RBFOX1: variants seen among roughly 807,000 people sequenced by gnomAD.
RBFOX1 encodes the protein RNA binding protein fox-1 homolog 1.
A neutral mutation model predicts 57.7 loss-of-function variants in RBFOX1; 8 were observed. The observed-to-expected ratio is 0.14, with a 90% confidence interval of 0.08 to 0.25. The LOEUF (loss-of-function observed/expected upper bound fraction) is 0.25, where lower values mean the gene tolerates loss of function less well. Ranked by LOEUF, RBFOX1 falls within the 10% of genes least tolerant of loss-of-function variation. The pLI is 1.00. For missense variants in RBFOX1, 611 were observed against 548.5 expected (o/e 1.11, Z -1.14); for synonymous variants, 326 against 222.4 (o/e 1.47, Z -4.15).
intron 2 of RBFOX1, among the ~76,000 whole-genome samples, chr16:6,532,749 A>T (rs1474458961): frequency 6.6e-6 from 1 of 151,992 alleles, no homozygotes; most frequent in Non-Finnish European, 1.5e-5. Flanking sequence ...CTTAGGGTTT[A>T]TGTCTTTTTA....
At chr16:6,588,392 C>A (rs189864922) in intron 2 of RBFOX1, among the ~76,000 whole-genome samples, 1 of 152,046 alleles carries the variant, frequency 6.6e-6, no homozygotes, top group Non-Finnish European at 1.5e-5. Flanking sequence ...ATGGCTCACG[C>A]CTGTAATCCC....
At chr16:7,261,287 G>C (rs1350076547) in intron 4 of RBFOX1, among the ~76,000 whole-genome samples, 1 of 152,172 alleles carries the variant, frequency 6.6e-6, no homozygotes, top group African/African-American at 2.4e-5. Context: ...GTATAAAGTG[G>C]AATTGATGAA....
chr16:5,811,437 C>G (rs1397176914), intron 3 of RBFOX1, among the ~76,000 whole-genome samples: 1 of 146,010 alleles, frequency 6.8e-6, no homozygotes, highest in African/African-American at 2.5e-5. Flanking sequence ...GCCAATGCAC[C>G]CAGCTGGAAC....
At chr16:6,666,200 A>G (rs1473148195) in intron 3 of RBFOX1, among the ~76,000 whole-genome samples, 1 of 152,162 alleles carries the variant, frequency 6.6e-6, no homozygotes, top group Non-Finnish European at 1.5e-5. Flanking sequence ...GTACATCTGT[A>G]TCAGCAGCGT....
intron 4 of RBFOX1, among the ~76,000 whole-genome samples, chr16:7,060,357 T>C (rs1426781949): frequency 6.6e-6 from 1 of 152,170 alleles, no homozygotes; most frequent in Non-Finnish European, 1.5e-5. Context: ...TGAGGGATTT[T>C]TATCAACAGA....
intron 2 of RBFOX1, among the ~76,000 whole-genome samples, chr16:6,379,651 T>G (rs2091583096): frequency 6.7e-6 from 1 of 148,478 alleles, no homozygotes; most frequent in Admixed American, 6.8e-5. Context: ...GTCATGCAAG[T>G]GTCAAGAGCT....
At chr16:6,976,785 T>TTA (rs3074657) in intron 3 of RBFOX1, among the ~76,000 whole-genome samples, 64,574 of 140,230 alleles carry the variant, frequency 0.46, 16,482 homozygotes, top group Non-Finnish European at 0.58. Flanking sequence ...TATCAATATA[T>TTA]TATATATATG....
chr16:7,489,064 G>C (rs2066216816), intron 4 of RBFOX1, among the ~76,000 whole-genome samples: 2 of 152,024 alleles, frequency 1.3e-5, no homozygotes, highest in Non-Finnish European at 2.9e-5. Flanking sequence ...GTGAATCTCA[G>C]CGTGTCTGTC....
chr16:6,958,609 C>T (rs1467141220), intron 3 of RBFOX1, among the ~76,000 whole-genome samples: 3 of 152,092 alleles, frequency 2.0e-5, no homozygotes, highest in East Asian at 3.9e-4. Flanking sequence ...TGGGAACGCA[C>T]GCTCAGAGTA....
intron 3 of RBFOX1, among the ~76,000 whole-genome samples, chr16:5,608,221 T>C (rs1190863570): frequency 6.6e-6 from 1 of 152,160 alleles, no homozygotes; most frequent in Non-Finnish European, 1.5e-5. Flanking sequence ...TGGTTGTTGT[T>C]ACCCTCACTT....
chr16:6,512,736 T>G (rs1049475754), intron 2 of RBFOX1, among the ~76,000 whole-genome samples: 3 of 152,094 alleles, frequency 2.0e-5, no homozygotes, highest in Admixed American at 2.0e-4. Flanking sequence ...GTCACTGTCT[T>G]GTTTCTGTGG....
intron 3 of RBFOX1, among the ~76,000 whole-genome samples, chr16:6,952,990 G>T (rs1056572033): frequency 1.3e-4 from 20 of 151,844 alleles, no homozygotes; most frequent in Admixed American, 3.9e-4. Flanking sequence ...AAAAAAAATT[G>T]TCATTGTTTG....
chr16:7,189,329 G>C (rs777164055), intron 4 of RBFOX1, among the ~76,000 whole-genome samples: 23 of 151,080 alleles, frequency 1.5e-4, no homozygotes, highest in Non-Finnish European at 2.8e-4. Context: ...AGGAGGCTGA[G>C]GCAGGAGAAT....
chr16:6,151,680 G>C (rs1597823029), intron 1 of RBFOX1, among the ~76,000 whole-genome samples: 1 of 152,316 alleles, frequency 6.6e-6, no homozygotes, highest in South Asian at 2.1e-4. Flanking sequence ...TTGTTTGTTA[G>C]AAGAGGGGGA....
intron 2 of RBFOX1, among the ~76,000 whole-genome samples, chr16:6,401,251 G>A (rs756817536): frequency 4.7e-4 from 71 of 152,156 alleles, no homozygotes; most frequent in Admixed American, 7.9e-4. Context: ...GGCCAGATCT[G>A]GGATAATCTG....
chr16:5,941,695 C>A (rs536595756), intron 4 of RBFOX1, among the ~76,000 whole-genome samples: 1 of 151,514 alleles, frequency 6.6e-6, no homozygotes, highest in African/African-American at 2.4e-5. Flanking sequence ...TTTAAATGAA[C>A]TAGCCAGGAA....
At chr16:6,550,007 G>T (rs747152471) in intron 2 of RBFOX1, among the ~76,000 whole-genome samples, 1 of 152,042 alleles carries the variant, frequency 6.6e-6, no homozygotes, top group Non-Finnish European at 1.5e-5. Context: ...TGTCTAAGAG[G>T]GGTGACAGTT....
intron 4 of RBFOX1, among the ~76,000 whole-genome samples, chr16:7,497,311 G>A (rs1040486591): frequency 2.0e-5 from 3 of 152,096 alleles, no homozygotes; most frequent in African/African-American, 7.2e-5. Context: ...CCCTGATGCT[G>A]AGTGTGTGCT....
chr16:6,770,954 A>G (rs2078194618), intron 3 of RBFOX1, among the ~76,000 whole-genome samples: 1 of 151,984 alleles, frequency 6.6e-6, no homozygotes, highest in Admixed American at 6.6e-5. Context: ...TGTCTCCACT[A>G]CCCCCGATTC....
Sources: gnomAD v4.1 joint callset for allele counts (sites outside exome capture counted in the v4.1 genomes callset) on GRCh38, gnomAD v4.1.1 for gene constraint, MANE v1.5 for transcripts, NCBI Gene and HGNC (gene_info 2026-07-23, HGNC 2026-07-21) for gene names.